Variants in RAB10 observed in about 807,000 individuals in gnomAD.
The protein encoded by RAB10 is ras-related protein Rab-10.
In RAB10, 5 loss-of-function variants were observed where a neutral mutation model predicts 25.7. That is an observed-to-expected ratio of 0.19 (90% CI 0.10 to 0.41). RAB10 has a LOEUF of 0.41. RAB10 is among the 10% of genes least tolerant of loss of function. The probability of loss-of-function intolerance (pLI) is 1.00; values close to 1 mark genes in which losing one functional copy is unlikely to be tolerated. For synonymous variants in RAB10, 89 were observed against 86.4 expected (o/e 1.03, Z -0.16); for missense variants, 103 against 245.8 (o/e 0.42, Z 3.89).
intron 1 of RAB10, among the ~76,000 whole-genome samples, chr2:26,061,306 G>A (rs747678853): frequency 1.1e-4 from 16 of 151,766 alleles, no homozygotes; most frequent in Middle Eastern, 3.4e-3. Flanking sequence ...TTATAGAGAC[G>A]GGATTTTGCC....
chr2:26,047,319 T>C (rs1035739308), intron 1 of RAB10, among the ~76,000 whole-genome samples: 1 of 152,196 alleles, frequency 6.6e-6, no homozygotes, highest in Non-Finnish European at 1.5e-5. Flanking sequence ...TCATATAGAA[T>C]GTAACCTTTT....
intron 1 of RAB10, among the ~76,000 whole-genome samples, chr2:26,088,999 C>T (rs1008960187): frequency 6.6e-6 from 1 of 152,014 alleles, no homozygotes; most frequent in Non-Finnish European, 1.5e-5. Context: ...CTAATGAAAC[C>T]ATGATATTTA....
rs1667936098 is a variant in RAB10, at chr2:26,127,933, T to C, written c.501T>C (p.Ala167=). The C allele has an allele frequency of 5.6e-6, 9 of 1,603,286 alleles. No individual in the cohort carries two copies. The highest frequency in any genetic ancestry group is 7.7e-6 in the Non-Finnish European group (9 of 1,170,120). ...INIEKAFLTL[A]EDILRKTPVK... ...TCGAAAAGGCGTTCCTCACGTTAGC[T>C]GAAGATATCCTTCGAAAGGTAAGTT... Residue 167 remains alanine (A), a synonymous_variant, in exon 5 of 6, where the codon GCT becomes GCC. Transcript: ENST00000264710.
Position 26,136,350 on chromosome 2 carries a change from G to A in RAB10, c.*1329G>A, listed in dbSNP as rs895767280. On this transcript the variant is annotated 3_prime_UTR_variant, in exon 6 of 6. Transcript: ENST00000264710. Reference sequence around the variant, plus strand: ...GGCCTCTGAAGAACACTTTTTCAGTGTTAAGTTTCTTTACCTTAAGATTCA... The same window carrying A: ...GGCCTCTGAAGAACACTTTTTCAGTATTAAGTTTCTTTACCTTAAGATTCA... 19 of 152,512 alleles carry A rather than the reference G, an allele frequency of 1.2e-4. No individual in the cohort carries two copies. The highest frequency in any genetic ancestry group is 2.4e-4 in the Non-Finnish European group (16 of 68,002). The allele number at this position is 152,512 out of a possible 1,614,324, so 9.4% of individuals were successfully genotyped here. A position where few individuals can be genotyped will look rare whatever the true frequency, so the allele number is the denominator to read the frequency against.
At chr2:26,041,535 C>G (rs376916839) in intron 1 of RAB10, among the ~76,000 whole-genome samples, 1 of 122,384 alleles carries the variant, frequency 8.2e-6, no homozygotes, top group Non-Finnish European at 1.6e-5. Context: ...AAGAGTGAGA[C>G]GCTGACTCAA....
Position 26,109,822 on chromosome 2 carries a change from C to T in RAB10, c.243C>T (p.Gly81=), listed in dbSNP as rs757760150. ...CCATCACAACCTCCTACTACAGAGG[C>T]GCAATGGGTATCATGCTAGTATATG... ...FHTITTSYYR[G]AMGIMLVYDI... Residue 81 remains glycine, a synonymous_variant, in exon 3 of 6, where the codon GGC becomes GGT. Coordinates refer to ENST00000264710, the MANE Select transcript of RAB10 (RefSeq NM_016131.5). The T allele has an allele frequency of 4.3e-6, 7 of 1,610,348 alleles. No individual in the cohort carries two copies. Among genetic ancestry groups the T allele is most frequent in the Admixed American group, 3.4e-5 (2 of 59,444 alleles).
chr2:26,068,964 C>T (rs1666569650), intron 1 of RAB10, among the ~76,000 whole-genome samples: 1 of 152,226 alleles, frequency 6.6e-6, no homozygotes, highest in East Asian at 1.9e-4. Flanking sequence ...TACTGATGCA[C>T]TGCCTTCCAT....
At chr2:26,097,727 A>G (rs1314611384) in intron 1 of RAB10, among the ~76,000 whole-genome samples, 1 of 152,220 alleles carries the variant, frequency 6.6e-6, no homozygotes, top group Non-Finnish European at 1.5e-5. Context: ...ATTGGTTAAT[A>G]TAGTGTGGTT....
Position 26,114,719 on chromosome 2 carries a change from C to T in RAB10, c.327+4813C>T, listed in dbSNP as rs1667645131. 2.3e-5 allele frequency among the ~76,000 whole-genome samples: 3 copies of T among 132,666 alleles called. No individual in the cohort carries two copies. In the South Asian group the frequency reaches 6.8e-4, roughly 30 times the overall value. The allele number at this position is 132,666 out of a possible 152,430, so 87.0% of individuals were successfully genotyped here. On this transcript the variant is annotated intron_variant, in intron 3 of 5. Coordinates refer to ENST00000264710, the MANE Select transcript of RAB10 (RefSeq NM_016131.5). ...CAGCCTGGGCAACATGGTGAAACCCCATCTCTACAAAAATATACAAAAAAA... is the reference window on the plus strand; with the variant it reads ...CAGCCTGGGCAACATGGTGAAACCCTATCTCTACAAAAATATACAAAAAAA...
chr2:26,051,129 G>C (rs746827543), intron 1 of RAB10, among the ~76,000 whole-genome samples: 3 of 151,646 alleles, frequency 2.0e-5, no homozygotes, highest in Admixed American at 6.6e-5. Flanking sequence ...GTAGAGACTG[G>C]GCCTCACTAT....
At chr2:26,132,286 C>T (rs1437517366) in intron 5 of RAB10, among the ~76,000 whole-genome samples, 1 of 152,140 alleles carries the variant, frequency 6.6e-6, no homozygotes, top group African/African-American at 2.4e-5. Context: ...GGAATTTTGC[C>T]CTTGTTGCCC....
intron 1 of RAB10, among the ~76,000 whole-genome samples, chr2:26,041,740 A>G (rs1665890930): frequency 6.6e-6 from 1 of 151,764 alleles, no homozygotes; most frequent in Non-Finnish European, 1.5e-5. Flanking sequence ...CCCTGTCTCT[A>G]CCAAAAATAC....
At chr2:26,105,405 C>A (rs531684544) in intron 2 of RAB10, among the ~76,000 whole-genome samples, 2 of 152,196 alleles carry the variant, frequency 1.3e-5, no homozygotes, top group East Asian at 3.9e-4. Flanking sequence ...AATCTCAGCA[C>A]TTTGGGAGGC....
intron 1 of RAB10, among the ~76,000 whole-genome samples, chr2:26,067,292 A>G (rs566348203): frequency 6.6e-6 from 1 of 152,204 alleles, no homozygotes. Context: ...GTGCATTGCT[A>G]TCTAAAGGGC....
Position 26,122,081 on chromosome 2 carries a change from C to G in RAB10, c.328-5063C>G, listed in dbSNP as rs1367507833. On this transcript the variant is annotated intron_variant, in intron 3 of 5. Transcript: ENST00000264710. ...TGATGCCAGAAGCAATCCTGAGAAA[C>G]AGAAAAGTCATGACATTACAAGAAA... Among the ~76,000 whole-genome samples the G allele has an allele frequency of 4.6e-5, 7 of 152,222 alleles. No individual in the cohort carries two copies. In the East Asian group the frequency reaches 1.2e-3, roughly 25 times the overall value.
rs549341408 is a variant in RAB10, at chr2:26,111,973, C to T, written c.327+2067C>T. ...TGCCAACAATGCCACTCCATGTGATCATTTGCTAGGGTGAGTCATAGAACT... is the reference window on the plus strand; with the variant it reads ...TGCCAACAATGCCACTCCATGTGATTATTTGCTAGGGTGAGTCATAGAACT... On this transcript the variant is annotated intron_variant, in intron 3 of 5. Transcript: ENST00000264710. 4.2e-4 allele frequency among the ~76,000 whole-genome samples: 64 copies of T among 152,284 alleles called. 2 individuals are homozygous for T. The South Asian group carries it at 0.012, about 30-fold the overall frequency.
At chr2:26,036,988 T>C (rs898993813) in intron 1 of RAB10, among the ~76,000 whole-genome samples, 17 of 151,940 alleles carry the variant, frequency 1.1e-4, no homozygotes, top group African/African-American at 3.9e-4. Flanking sequence ...TTTCACCATG[T>C]TGGTCAGGCT....
At chr2:26,128,709 T>C (rs1004979109) in intron 5 of RAB10, among the ~76,000 whole-genome samples, 4 of 152,192 alleles carry the variant, frequency 2.6e-5, no homozygotes, top group African/African-American at 9.7e-5. Flanking sequence ...ACATATTCTG[T>C]ACGTACTGAA....
intron 1 of RAB10, among the ~76,000 whole-genome samples, chr2:26,051,359 TGCCCCC>T (rs1470287587): frequency 3.5e-4 from 4 of 11,408 alleles, no homozygotes; most frequent in African/African-American, 1.1e-3. Flanking sequence ...CCTCCCTTTT[TGCCCCC>T]CCCCCCCCCC....
Sources: allele counts gnomAD v4.1 joint callset (sites outside exome capture counted in the v4.1 genomes callset), GRCh38; gene constraint gnomAD v4.1.1; transcripts MANE v1.5; gene names NCBI Gene and HGNC (gene_info 2026-07-23, HGNC 2026-07-21).